The following HNF1B variants were observed in gnomAD, a reference collection of about 807,000 sequenced individuals.
The protein encoded by HNF1B is HNF1 homeobox B.
HNF1B carries 8 observed loss-of-function variants against 61.7 expected under a neutral mutation model. The observed-to-expected ratio is 0.13, with a 90% CI of 0.08 to 0.23. The LOEUF is 0.23. HNF1B is among the 10% of genes least tolerant of loss of function. The pLI is 1.00. For missense variants in HNF1B, 562 were observed against 714.5 expected, an observed-to-expected ratio of 0.79 and a Z score of 2.43; for synonymous variants, 314 against 287.7, an observed-to-expected ratio of 1.09 and a Z score of -0.93.
At chr17:37,719,443 A>G (rs2033233756) in intron 4 of HNF1B, among the ~76,000 whole-genome samples, 1 of 152,246 alleles carries the variant, frequency 6.6e-6, no homozygotes, top group East Asian at 1.9e-4. Context: ...TACTGTGGCA[A>G]CATGAATAAC....
At chr17:37,723,704 A>C (rs1034095194) in intron 4 of HNF1B, among the ~76,000 whole-genome samples, 1 of 152,232 alleles carries the variant, frequency 6.6e-6, no homozygotes. Context: ...GGTTGAATGA[A>C]ACCTCCAAGA....
At chr17:37,729,920 C>T (rs1367669246) in intron 4 of HNF1B, 1 of 152,646 alleles carries the variant, frequency 6.6e-6, no homozygotes, top group East Asian at 1.9e-4. Context: ...ATGGGACACG[C>T]CCTTCCTAGA....
In HNF1B at chr17:37,744,927, T is replaced by TG; in HGVS notation, c.-44dup. 3.8e-6 allele frequency: 3 copies of TG among 783,032 alleles called. No homozygotes were observed. The highest frequency in any genetic ancestry group is 1.8e-5 in the African/African-American group (1 of 56,048). The allele number at this position is 783,032 out of a possible 1,614,324, so 48.5% of individuals were successfully genotyped here. ...AGAAGGGGGTGAGGGGGTGGGTGGG[T>TG]GCGAGAGAGGAGGGTGGAGGGGAGT... On this transcript the variant is annotated 5_prime_UTR_variant, in exon 1 of 9. Coordinates refer to ENST00000617811, the MANE Select transcript of HNF1B (RefSeq NM_000458.4).
rs553458694 is a variant in HNF1B, at chr17:37,713,498, C to A, written c.1046-2835G>T. Among the ~76,000 whole-genome samples the A allele has an allele frequency of 3.3e-5, 5 of 152,290 alleles. No individual in the cohort carries two copies. The South Asian group carries it at 1.0e-3, about 32-fold the overall frequency. On this transcript the variant is annotated intron_variant, in intron 4 of 8. Coordinates refer to ENST00000617811, the MANE Select transcript of HNF1B (RefSeq NM_000458.4). The stretch of plus-strand genomic sequence containing the variant: ...TGTGGTTTTTATACTTTGTTTTCTC[C>A]CCAACAAAACTTTATTATATAAGAA...
intron 4 of HNF1B, among the ~76,000 whole-genome samples, chr17:37,727,299 C>T (rs573213850): frequency 6.6e-6 from 1 of 152,252 alleles, no homozygotes; most frequent in African/African-American, 2.4e-5. Flanking sequence ...CCAGGGACAG[C>T]TCCTGCTGGC....
intron 7 of HNF1B, among the ~76,000 whole-genome samples, chr17:37,699,494 C>T (rs1421454668): frequency 6.6e-6 from 1 of 152,214 alleles, no homozygotes; most frequent in African/African-American, 2.4e-5. Context: ...GCTGTTGCCT[C>T]GGCTTGCCCT....
At chr17:37,706,841 A>G (rs533378048) in intron 5 of HNF1B, among the ~76,000 whole-genome samples, 2 of 152,168 alleles carry the variant, frequency 1.3e-5, no homozygotes, top group Non-Finnish European at 2.9e-5. Flanking sequence ...AATAATTTAA[A>G]TGTGTGTGAC....
At chr17:37,743,342 C>G (rs1019051838) in intron 1 of HNF1B, among the ~76,000 whole-genome samples, 16 of 152,260 alleles carry the variant, frequency 1.1e-4, no homozygotes, top group Non-Finnish European at 1.8e-4. Context: ...TGCAGGAGTT[C>G]TCTCCCGGTA....
chr17:37,740,221 G>A (rs1354780153), intron 1 of HNF1B, among the ~76,000 whole-genome samples: 3 of 152,028 alleles, frequency 2.0e-5, no homozygotes, highest in East Asian at 1.9e-4. Flanking sequence ...CATCTGCCTC[G>A]GCCTCCCAAA....
At chr17:37,724,403 T>C (rs2033424523) in intron 4 of HNF1B, among the ~76,000 whole-genome samples, 1 of 152,148 alleles carries the variant, frequency 6.6e-6, no homozygotes, top group Non-Finnish European at 1.5e-5. Context: ...GCAGCTTGGA[T>C]ACTGGGATTT....
At chr17:37,688,982 T>C (rs2032089435) in intron 8 of HNF1B, among the ~76,000 whole-genome samples, 1 of 151,790 alleles carries the variant, frequency 6.6e-6, no homozygotes, top group African/African-American at 2.4e-5. Flanking sequence ...ACATCCCTAC[T>C]AAAAATACAA....
intron 4 of HNF1B, among the ~76,000 whole-genome samples, chr17:37,723,092 C>T (rs1017555629): frequency 6.6e-6 from 1 of 151,978 alleles, no homozygotes; most frequent in African/African-American, 2.4e-5. Flanking sequence ...GTAATCCCAG[C>T]ACTTTGGGAG....
intron 8 of HNF1B, among the ~76,000 whole-genome samples, chr17:37,695,705 CCTGCCCT>C (rs1162320160): frequency 5.9e-5 from 9 of 152,254 alleles, no homozygotes; most frequent in Non-Finnish European, 1.3e-4. Context: ...AGATTTAATG[CCTGCCCT>C]GTTGGGTTTC....
At position 37,686,832 on chromosome 17, in the gene HNF1B, G is replaced by T; in HGVS notation, c.*540C>A. ...TTAGTATTATATACAGGGCAGAGGGGAGAGGACACAGAGGGGAAATTGCAC... is the reference window on the plus strand; with the variant it reads ...TTAGTATTATATACAGGGCAGAGGGTAGAGGACACAGAGGGGAAATTGCAC... On this transcript the variant is annotated 3_prime_UTR_variant, in exon 9 of 9. Coordinates refer to ENST00000617811, the MANE Select transcript of HNF1B (RefSeq NM_000458.4). The T allele has an allele frequency of 7.6e-6, 2 of 264,648 alleles. No individual in the cohort carries two copies. The highest frequency in any genetic ancestry group is 1.5e-5 in the Non-Finnish European group (2 of 135,308). The allele number at this position is 264,648 out of a possible 1,614,324, so 16.4% of individuals were successfully genotyped here.
intron 4 of HNF1B, among the ~76,000 whole-genome samples, chr17:37,727,998 GT>G (rs911665665): frequency 2.1e-4 from 31 of 148,488 alleles, no homozygotes; most frequent in East Asian, 9.9e-4. Flanking sequence ...TTTTTTTGTT[GT>G]TTTTTTTTTA....
intron 1 of HNF1B, 22 bp downstream of exon 1, chr17:37,744,519 C>T (rs1413975847): frequency 6.9e-6 from 11 of 1,598,932 alleles, no homozygotes; most frequent in Non-Finnish European, 9.3e-6. Context: ...GGTGGGTCCC[C>T]TCCACCTCGC....
rs1264471562 is a variant in HNF1B at position 37,745,053 on chromosome 17, A to T, written c.-169T>A. 3 of 622,122 alleles carry T rather than the reference A, an allele frequency of 4.8e-6. No individual in the cohort carries two copies. Among genetic ancestry groups the T allele is most frequent in the Non-Finnish European group, 8.5e-6 (3 of 351,864 alleles). 38.5% of individuals were successfully genotyped at this position (622,122 alleles called of 1,614,324 possible). ...GAGGCTCCTCCGAAAGGAGTCAGAAAACTTCTAACTTGCCATGATCGCCAC... is the reference window on the plus strand; with the variant it reads ...GAGGCTCCTCCGAAAGGAGTCAGAATACTTCTAACTTGCCATGATCGCCAC... On this transcript the variant is annotated 5_prime_UTR_variant, in exon 1 of 9. Coordinates refer to ENST00000617811, the MANE Select transcript of HNF1B (RefSeq NM_000458.4).
chr17:37,737,818 G>C (rs528954057), intron 2 of HNF1B, among the ~76,000 whole-genome samples: 1 of 152,286 alleles, frequency 6.6e-6, no homozygotes, highest in East Asian at 1.9e-4. Flanking sequence ...CTGGGTGGCA[G>C]AGCGAGACCC....
intron 8 of HNF1B, among the ~76,000 whole-genome samples, chr17:37,695,149 G>A (rs1444099898): frequency 6.6e-6 from 1 of 152,252 alleles, no homozygotes; most frequent in Admixed American, 6.5e-5. Flanking sequence ...CCAGACCAAA[G>A]GCCCTGCTGC....
Sources: allele counts gnomAD v4.1 joint callset (sites outside exome capture counted in the v4.1 genomes callset), GRCh38; gene constraint gnomAD v4.1.1; transcripts MANE v1.5; gene names NCBI Gene and HGNC (gene_info 2026-07-23, HGNC 2026-07-21).